CREBBP: variants seen among roughly 807,000 people sequenced by gnomAD.
The protein encoded by CREBBP is CREB binding lysine acetyltransferase.
CREBBP carries 19 observed loss-of-function variants against 265.0 expected under a neutral mutation model. The observed-to-expected ratio is 0.07, with a 90% CI of 0.05 to 0.11. The LOEUF (loss-of-function observed/expected upper bound fraction) is 0.11, where lower values mean the gene tolerates loss of function less well. CREBBP is among the 10% of genes least tolerant of loss of function. The pLI, the probability that CREBBP is intolerant of heterozygous loss-of-function variation, is 1.00. For synonymous variants in CREBBP, 1,457 were observed against 1,223.7 expected (o/e 1.19, Z -3.98); for missense variants, 2,525 against 3,219.0 (o/e 0.78, Z 5.22).
intron 2 of CREBBP, among the ~76,000 whole-genome samples, chr16:3,813,827 G>A (rs549732659): frequency 7.0e-4 from 107 of 152,254 alleles, no homozygotes; most frequent in Middle Eastern, 6.8e-3. Context: ...AAAAATCAAC[G>A]TCTTTTGGAA....
chr16:3,841,034 T>C (rs2054556256), intron 2 of CREBBP: 1 of 156,638 alleles, frequency 6.4e-6, no homozygotes, highest in Non-Finnish European at 1.5e-5. Flanking sequence ...TGTACTTTTT[T>C]TTCTTGCTGG....
intron 11 of CREBBP, among the ~76,000 whole-genome samples, chr16:3,776,772 G>A (rs769330229): frequency 1.3e-5 from 2 of 151,966 alleles, no homozygotes; most frequent in Admixed American, 6.6e-5. Context: ...CAGCACTTTG[G>A]AAGGCCAAGG....
chr16:3,866,822 C>T (rs559482184), intron 1 of CREBBP, among the ~76,000 whole-genome samples: 1 of 152,260 alleles, frequency 6.6e-6, no homozygotes, highest in Non-Finnish European at 1.5e-5. Flanking sequence ...TTTTTGCTCT[C>T]CATCCTTTGT....
At chr16:3,808,554 G>C (rs192701589) in intron 3 of CREBBP, among the ~76,000 whole-genome samples, 1 of 152,218 alleles carries the variant, frequency 6.6e-6, no homozygotes, top group Non-Finnish European at 1.5e-5. Context: ...TTGCAGTCCC[G>C]GGCAGAAACT....
At chr16:3,738,304 T>G (rs1596809538) in intron 26 of CREBBP, among the ~76,000 whole-genome samples, 2 of 139,010 alleles carry the variant, frequency 1.4e-5, no homozygotes, top group African/African-American at 5.6e-5. Context: ...AAACTTTGCC[T>G]CAATAAAGTT....
Position 3,880,072 on chromosome 16 carries a change from G to A in CREBBP, c.-156C>T, listed in dbSNP as rs2055497869. ...GAGGGAGAGGGAGGGCGCAGGCCGGGTGGGGGAGGCGGCGGCCAAATCTCA... is the reference window on the plus strand; with the variant it reads ...GAGGGAGAGGGAGGGCGCAGGCCGGATGGGGGAGGCGGCGGCCAAATCTCA... On this transcript the variant is annotated 5_prime_UTR_variant, in exon 1 of 31. Coordinates refer to ENST00000262367, the MANE Select transcript of CREBBP (RefSeq NM_004380.3). 5 of 392,144 alleles carry A rather than the reference G, an allele frequency of 1.3e-5. No homozygotes were observed. In the South Asian group the frequency reaches 3.4e-4, roughly 26 times the overall value. 24.3% of individuals were successfully genotyped at this position (392,144 alleles called of 1,614,324 possible).
chr16:3,849,405 GTGTGTGTGTGT>G (rs2054738690), intron 2 of CREBBP, among the ~76,000 whole-genome samples: 1 of 4,610 alleles, frequency 2.2e-4, no homozygotes, highest in African/African-American at 2.5e-4. Flanking sequence ...GTGTGTGTGT[GTGTGTGTGTGT>G]GTGTGTGTGT....
Position 3,729,642 on chromosome 16 carries a change from A to C in CREBBP, c.5405T>G (p.Val1802Gly). The change falls in exon 31 of 31, where the codon GTG becomes GGG. Residue 1802 changes from valine to glycine, a missense_variant. Val to Gly is a moderately radical substitution (Grantham distance 109, BLOSUM62 -3). Coordinates refer to ENST00000262367, the MANE Select transcript of CREBBP (RefSeq NM_004380.3). ...GCGTTTGCAGCCCTTGGTGTGCTGCACCACCCGCTTCATCTTCTGGCAGGA... is the reference window on the plus strand; with the variant it reads ...GCGTTTGCAGCCCTTGGTGTGCTGCCCCACCCGCTTCATCTTCTGGCAGGA... Reference protein sequence around the residue: ...LPSCQKMKRVVQHTKGCKRKT... With the variant: ...LPSCQKMKRVGQHTKGCKRKT... 6.2e-7 allele frequency: 1 copy of C among 1,614,042 alleles called. No homozygotes were observed. The highest frequency in any genetic ancestry group is 8.5e-7 in the Non-Finnish European group (1 of 1,180,002).
At chr16:3,749,775 G>C (rs129980) in intron 20 of CREBBP, 92 bp from the exon 21 acceptor site, 2 of 799,546 alleles carry the variant, frequency 2.5e-6, no homozygotes, top group African/African-American at 3.5e-5. Context: ...TTTGTAACTA[G>C]TTCTTCAAAC....
intron 1 of CREBBP, among the ~76,000 whole-genome samples, chr16:3,867,768 A>AG (rs1480654163): frequency 1.3e-5 from 2 of 151,032 alleles, no homozygotes; most frequent in Non-Finnish European, 1.5e-5. Flanking sequence ...AAAAAAAAAA[A>AG]AAAAAAAAAA....
At chr16:3,849,440 T>TGTGTGTGTGTGTGTGTG (rs2054762300) in intron 2 of CREBBP, among the ~76,000 whole-genome samples, 5 of 14,890 alleles carry the variant, frequency 3.4e-4, no homozygotes, top group Non-Finnish European at 1.8e-3. Flanking sequence ...TGTGTGTGTG[T>TGTGTGTGTGTGTGTGTG]GTGTGTGTGT....
chr16:3,741,715 G>GCA (rs2052213137), intron 23 of CREBBP: 1 of 152,056 alleles, frequency 6.6e-6, no homozygotes, highest in Non-Finnish European at 1.5e-5. Flanking sequence ...TGAGGCGAGT[G>GCA]GATCACCTGA....
intron 3 of CREBBP, among the ~76,000 whole-genome samples, chr16:3,804,134 C>A (rs1221089714): frequency 1.3e-5 from 2 of 151,706 alleles, no homozygotes; most frequent in Non-Finnish European, 1.5e-5. Flanking sequence ...AAAAAGACAA[C>A]CTGCAAGATA....
At chr16:3,830,190 A>G (rs1395358534) in intron 2 of CREBBP, among the ~76,000 whole-genome samples, 5 of 152,118 alleles carry the variant, frequency 3.3e-5, no homozygotes, top group African/African-American at 1.2e-4. Flanking sequence ...TGAGCTCAGG[A>G]GTTTGAGACC....
At chr16:3,824,463 T>C (rs189273815) in intron 2 of CREBBP, among the ~76,000 whole-genome samples, 97 of 152,300 alleles carry the variant, frequency 6.4e-4, no homozygotes, top group Admixed American at 1.7e-3. Context: ...ACACGGAAAC[T>C]GGAAAGCTCA....
At position 3,850,807 on chromosome 16, in the gene CREBBP, C is replaced by T. The variant is rs370300481; in HGVS notation, c.288G>A (p.Gln96=). Residue 96 remains glutamine (Q), a synonymous_variant, in exon 2 of 31, where the codon CAG becomes CAA. Transcript: ENST00000262367. The stretch of plus-strand genomic sequence containing the variant: ...CTTGAGCCTGGCCACCCAGGCCCTG[C>T]TGCACGGGGCTGCTGGCGCTCACAT... ...IGNVSASSPV[Q]QGLGGQAQGQ... 3.7e-6 allele frequency: 6 copies of T among 1,614,026 alleles called. No individual in the cohort carries two copies. In the African/African-American group the frequency reaches 8.0e-5, roughly 22 times the overall value.
At chr16:3,869,653 C>A (rs2055252274) in intron 1 of CREBBP, among the ~76,000 whole-genome samples, 1 of 152,170 alleles carries the variant, frequency 6.6e-6, no homozygotes, top group South Asian at 2.1e-4. Context: ...AATTCAAGTA[C>A]TCAACAGCCA....
chr16:3,737,226 T>G (rs1382673835), intron 26 of CREBBP, among the ~76,000 whole-genome samples: 1 of 150,014 alleles, frequency 6.7e-6, no homozygotes, highest in Admixed American at 6.6e-5. Context: ...GACACTTTGA[T>G]CAAATGCCCC....
chr16:3,774,544 C>T (rs771805472), intron 12 of CREBBP, 25 bp downstream of exon 12: 9 of 1,613,776 alleles, frequency 5.6e-6, no homozygotes, highest in South Asian at 5.5e-5. Flanking sequence ...GGGCTATCTG[C>T]AGCACAGCGA....
Sources: allele counts gnomAD v4.1 joint callset (sites outside exome capture counted in the v4.1 genomes callset), GRCh38; gene constraint gnomAD v4.1.1; transcripts MANE v1.5; gene names NCBI Gene and HGNC (gene_info 2026-07-23, HGNC 2026-07-21).